R3HDM2: variants seen among roughly 807,000 people sequenced by gnomAD.
The protein encoded by R3HDM2 is R3H domain containing 2, also known as R3H domain-containing protein 2.
In R3HDM2, 38 loss-of-function variants were observed where a neutral mutation model predicts 124.5. The observed-to-expected ratio is 0.31, with a 90% CI of 0.24 to 0.40. The LOEUF is 0.40. Among genes scored for constraint, R3HDM2 ranks in the 10% least tolerant of loss-of-function variants. R3HDM2 has a pLI of 1.00. For synonymous variants in R3HDM2, 391 were observed against 448.0 expected, an observed-to-expected ratio of 0.87 and a Z score of 1.61; for missense variants, 869 against 1,236.9, an observed-to-expected ratio of 0.70 and a Z score of 4.46.
intron 9 of R3HDM2, among the ~76,000 whole-genome samples, chr12:57,295,871 T>G (rs867630839): frequency 1.2e-4 from 19 of 152,094 alleles, no homozygotes; most frequent in African/African-American, 3.9e-4. Flanking sequence ...TTAAAAAAAT[T>G]TTTTTTGTTT....
chr12:57,283,814 G>C lies in R3HDM2; in HGVS notation c.1171+10C>G, dbSNP rs764035919. ...ATGGGTATGACATGGAAGAAAAGAA[G>C]CTGTAATACCTGGCCTGGAGATCCT... On this transcript the variant is annotated intron_variant, in intron 13 of 23. Transcript: ENST00000402412. 1.6e-5 allele frequency: 25 copies of C among 1,610,916 alleles called. No individual in the cohort carries two copies. Among genetic ancestry groups the C allele is most frequent in the Non-Finnish European group, 2.0e-5 (24 of 1,177,190 alleles).
chr12:57,255,066 G>A lies in R3HDM2; in HGVS notation c.2680C>T (p.Arg894Cys), dbSNP rs779065056. The change falls in exon 24 of 24, where the codon CGT becomes TGT. Residue 894 changes from arginine to cysteine, a missense_variant. Transcript: ENST00000402412. ...EVTDLPEGITRTEADKLFTQL... is the reference protein window; with the variant it reads ...EVTDLPEGITCTEADKLFTQL... ...GTGAAGAGTTTGTCCGCCTCAGTAC[G>A]GGTGATGCCCTCAGGGAGATCTGTC... 8 of 1,611,174 alleles carry A rather than the reference G, an allele frequency of 5.0e-6. No individual in the cohort carries two copies. The highest frequency in any genetic ancestry group is 4.5e-5 in the East Asian group (2 of 44,874).
chr12:57,385,849 G>A (rs768572035), intron 2 of R3HDM2, among the ~76,000 whole-genome samples: 7 of 152,136 alleles, frequency 4.6e-5, no homozygotes, highest in Non-Finnish European at 1.0e-4. Flanking sequence ...AAACTACATG[G>A]TCAAAACCAT....
intron 2 of R3HDM2, among the ~76,000 whole-genome samples, chr12:57,364,959 A>AAAG (rs1350106220): frequency 7.1e-6 from 1 of 141,390 alleles, no homozygotes; most frequent in Admixed American, 7.2e-5. Flanking sequence ...TCTCAAAAAA[A>AAAG]AAAAAAAAAA....
chr12:57,420,101 A>G (rs1164310023), intron 1 of R3HDM2, among the ~76,000 whole-genome samples: 4 of 152,104 alleles, frequency 2.6e-5, no homozygotes, highest in African/African-American at 7.2e-5. Context: ...AATGAAGGGG[A>G]TAATAATTCT....
At chr12:57,360,794 G>A (rs1356993603) in intron 2 of R3HDM2, among the ~76,000 whole-genome samples, 5 of 152,088 alleles carry the variant, frequency 3.3e-5, no homozygotes, top group African/African-American at 7.2e-5. Flanking sequence ...AGTGGCTCAC[G>A]CCTGTAATCC....
chr12:57,325,823 G>A (rs1035343391), intron 2 of R3HDM2, among the ~76,000 whole-genome samples: 3 of 151,416 alleles, frequency 2.0e-5, no homozygotes, highest in African/African-American at 7.3e-5. Context: ...GATTACAGGT[G>A]TGAGCCACTG....
chr12:57,298,057 C>T (rs759024634), intron 7 of R3HDM2, 33 bp downstream of exon 7: 44 of 1,474,388 alleles, frequency 3.0e-5, no homozygotes, highest in Non-Finnish European at 4.1e-5. Flanking sequence ...TATCCCCTAA[C>T]CCCTTTTCCT....
Position 57,292,662 on chromosome 12 carries a change from T to G in R3HDM2, c.816A>C (p.Arg272Ser). The G allele has an allele frequency of 6.5e-7, 1 of 1,545,366 alleles. No homozygotes were observed. The highest frequency in any genetic ancestry group is 8.7e-7 in the Non-Finnish European group (1 of 1,143,212). ...ASMDRDDNQI[R>S]VPLQDGRRSK... ...TCCTCCTTCCATCCTGCAATGGAAC[T>G]CTGATCTAGATCGATGAGCAGAATT... The change falls in exon 11 of 24, where the codon AGA (arginine) becomes AGC (serine). Residue 272 changes from arginine to serine, a missense_variant. Physicochemically the swap from Arg to Ser is moderately radical, Grantham distance 110 (BLOSUM62 -1). Transcript: ENST00000402412.
chr12:57,398,749 A>G (rs1428007776), intron 1 of R3HDM2, among the ~76,000 whole-genome samples: 1 of 152,126 alleles, frequency 6.6e-6, no homozygotes, highest in African/African-American at 2.4e-5. Context: ...TCAGCCTCCC[A>G]AAGTGCTGGG....
intron 1 of R3HDM2, among the ~76,000 whole-genome samples, chr12:57,403,995 T>C (rs763434955): frequency 4.0e-5 from 6 of 151,430 alleles, no homozygotes; most frequent in Admixed American, 6.6e-5. Flanking sequence ...ATCCATCCCA[T>C]GTGCTTACTT....
intron 14 of R3HDM2, among the ~76,000 whole-genome samples, chr12:57,277,514 C>T (rs1350574108): frequency 6.6e-6 from 1 of 151,758 alleles, no homozygotes; most frequent in African/African-American, 2.4e-5. Flanking sequence ...TCTCAGCTCA[C>T]TGCAACCTCC....
chr12:57,266,900 G>T, intron 18 of R3HDM2, 69 bp from the exon 19 acceptor site: 1 of 1,146,842 alleles, frequency 8.7e-7, no homozygotes, highest in Non-Finnish European at 1.2e-6. Flanking sequence ...GCAAACAGCT[G>T]CTGCTTCCTG....
chr12:57,379,725 G>T (rs1027289637), intron 2 of R3HDM2, among the ~76,000 whole-genome samples: 11 of 151,918 alleles, frequency 7.2e-5, no homozygotes, highest in African/African-American at 2.7e-4. Flanking sequence ...GCCACAAAAA[G>T]CAAATATGAA....
At chr12:57,273,478 G>C (rs10783819) in intron 14 of R3HDM2, among the ~76,000 whole-genome samples, 67,925 of 152,012 alleles carry the variant, frequency 0.45, 15,741 homozygotes, top group South Asian at 0.52. Context: ...GGCAAGGAAG[G>C]GGGGAAAATA....
At position 57,338,172 on chromosome 12, in the gene R3HDM2, G is replaced by T. The variant is rs145290682; in HGVS notation, c.-35-27709C>A. Among the ~76,000 whole-genome samples, 5 of 152,180 alleles carry T rather than the reference G, an allele frequency of 3.3e-5. No individual in the cohort carries two copies. The South Asian group carries it at 1.0e-3, about 32-fold the overall frequency. ...TACAAAATTATCCGGGCATGGTGGC[G>T]CATGCCTGTACTCCCAGCTACTCAG... On this transcript the variant is annotated intron_variant, in intron 2 of 23. Transcript: ENST00000402412.
chr12:57,413,363 G>A (rs958113459), intron 1 of R3HDM2, among the ~76,000 whole-genome samples: 4 of 151,086 alleles, frequency 2.6e-5, no homozygotes, highest in Admixed American at 1.3e-4. Context: ...GGATGCTGAG[G>A]TGGGAGAATC....
intron 3 of R3HDM2, among the ~76,000 whole-genome samples, chr12:57,306,545 A>T (rs1182215749): frequency 1.3e-5 from 2 of 151,894 alleles, no homozygotes; most frequent in East Asian, 3.9e-4. Flanking sequence ...GGTAGCTGGG[A>T]CTACAGGCAT....
intron 19 of R3HDM2, among the ~76,000 whole-genome samples, chr12:57,264,935 T>G (rs1451292793): frequency 6.6e-6 from 1 of 152,064 alleles, no homozygotes; most frequent in East Asian, 1.9e-4. Context: ...CTGCACACAG[T>G]CCCCTAAAGT....
Sources: gnomAD v4.1 joint callset for allele counts (sites outside exome capture counted in the v4.1 genomes callset) on GRCh38, gnomAD v4.1.1 for gene constraint, MANE v1.5 for transcripts, NCBI Gene and HGNC (gene_info 2026-07-23, HGNC 2026-07-21) for gene names.